Variants in CNTLN observed in about 807,000 individuals in gnomAD.
CNTLN encodes the protein centlein.
A neutral mutation model predicts 180.0 loss-of-function variants in CNTLN; 212 were observed. That is an observed-to-expected ratio of 1.18 (90% CI 1.05 to 1.32). The LOEUF is 1.32. Among genes scored for constraint, CNTLN ranks in the 40% most tolerant of loss-of-function variants. The pLI, the probability that CNTLN is intolerant of heterozygous loss-of-function variation, is 0.00. For missense variants in CNTLN, 2,095 were observed against 1,610.9 expected (o/e 1.30, Z -5.14); for synonymous variants, 722 against 563.1 (o/e 1.28, Z -3.99).
At chr9:17,252,346 AT>A (rs1185503312) in intron 5 of CNTLN, among the ~76,000 whole-genome samples, 2 of 151,548 alleles carry the variant, frequency 1.3e-5, no homozygotes, top group Admixed American at 1.3e-4. Context: ...ACTAATTTAC[AT>A]TTTCACCAAC....
At chr9:17,222,730 C>G (rs1022294529) in intron 2 of CNTLN, among the ~76,000 whole-genome samples, 1 of 152,040 alleles carries the variant, frequency 6.6e-6, no homozygotes, top group Non-Finnish European at 1.5e-5. Context: ...ACAGTCATTT[C>G]TCAGTCTTTA....
At chr9:17,255,880 A>G (rs376772773) in intron 5 of CNTLN, among the ~76,000 whole-genome samples, 79 of 152,014 alleles carry the variant, frequency 5.2e-4, no homozygotes, top group African/African-American at 1.8e-3. Context: ...TTCAGTTTTC[A>G]TAAGTGTGTT....
chr9:17,342,650 A>G (rs918016737), intron 12 of CNTLN, among the ~76,000 whole-genome samples: 1 of 152,212 alleles, frequency 6.6e-6, no homozygotes, highest in Admixed American at 6.5e-5. Flanking sequence ...TCTAACAGAA[A>G]CTGGATAATA....
intron 18 of CNTLN, among the ~76,000 whole-genome samples, chr9:17,421,975 T>A (rs2133927513): frequency 6.6e-6 from 1 of 152,312 alleles, no homozygotes; most frequent in South Asian, 2.1e-4. Flanking sequence ...TACATGCTAT[T>A]ACCAGTGAGT....
chr9:17,356,472 A>T (rs1295008414), intron 12 of CNTLN, among the ~76,000 whole-genome samples: 1 of 152,182 alleles, frequency 6.6e-6, no homozygotes, highest in Non-Finnish European at 1.5e-5. Flanking sequence ...TCAGAGTCTG[A>T]TGCAACATGA....
chr9:17,525,042 C>T, the CNTLN span, among the ~76,000 whole-genome samples: 2 of 152,112 alleles, frequency 1.3e-5, no homozygotes, highest in African/African-American at 2.4e-5. Context: ...TTTGAACATA[C>T]ACAATAACAT....
intron 23 of CNTLN, among the ~76,000 whole-genome samples, chr9:17,482,844 A>G (rs1832718839): frequency 6.6e-6 from 1 of 152,304 alleles, no homozygotes; most frequent in African/African-American, 2.4e-5. Flanking sequence ...TGATGGGACA[A>G]GTGAGTATGA....
chr9:17,335,414 G>A (rs1210075064), intron 10 of CNTLN, among the ~76,000 whole-genome samples: 3 of 152,078 alleles, frequency 2.0e-5, no homozygotes, highest in South Asian at 2.1e-4. Context: ...CTACTCAGGG[G>A]GCTGAGGCAG....
At chr9:17,478,243 T>C (rs1452441678) in intron 23 of CNTLN, among the ~76,000 whole-genome samples, 1 of 152,184 alleles carries the variant, frequency 6.6e-6, no homozygotes, top group Non-Finnish European at 1.5e-5. Context: ...TATTGTGATA[T>C]TTGCTTTATT....
rs538990313 is a variant in CNTLN, at chr9:17,403,816, C to T, written c.2616-5477C>T. 2.9e-4 allele frequency among the ~76,000 whole-genome samples: 44 copies of T among 151,744 alleles called. 1 individual carries two copies. The highest frequency in any genetic ancestry group is 2.3e-3 in the South Asian group (11 of 4,814). On this transcript the variant is annotated intron_variant, in intron 15 of 25. Transcript: ENST00000380647. ...TTTGAGACAGAGTCTCGCTCTGTTG[C>T]CCAGACTGGAGTGCAGTGGTGTGAT...
intron 2 of CNTLN, among the ~76,000 whole-genome samples, chr9:17,219,896 C>G (rs1051359607): frequency 2.6e-4 from 39 of 152,074 alleles, no homozygotes; most frequent in African/African-American, 9.2e-4. Context: ...GAGATCTTCT[C>G]TCTAGTGTCC....
At chr9:17,180,853 G>A (rs1020645633) in intron 2 of CNTLN, among the ~76,000 whole-genome samples, 17 of 151,576 alleles carry the variant, frequency 1.1e-4, no homozygotes, top group Non-Finnish European at 1.9e-4. Flanking sequence ...CTTTTCTTTC[G>A]GTATTTGAAA....
intron 23 of CNTLN, among the ~76,000 whole-genome samples, chr9:17,476,630 T>A (rs1041107886): frequency 2.0e-5 from 3 of 152,326 alleles, no homozygotes; most frequent in Non-Finnish European, 4.4e-5. Flanking sequence ...GATAAAAGAT[T>A]AAACCAGTCA....
rs763630151 is a variant in CNTLN, at chr9:17,466,721, C to T, written c.3685C>T (p.Leu1229Phe). The T allele has an allele frequency of 9.9e-6, 16 of 1,609,056 alleles. No individual in the cohort carries two copies. The highest frequency in any genetic ancestry group is 8.8e-5 in the South Asian group (8 of 90,710). Residue 1229 changes from leucine (L) to phenylalanine (F), a missense_variant, in exon 23 of 26, where the codon CTC (leucine) becomes TTC (phenylalanine). Leu to Phe is a conservative substitution (Grantham distance 22). Coordinates refer to ENST00000380647, the MANE Select transcript of CNTLN (RefSeq NM_017738.4). ...TCTTTTGCAGGATCTCAAGCTTACT[C>T]TCCTAGTATCAAGAATAAGTGAGAC... is the stretch of plus-strand genomic sequence containing the variant. ...ELEKKDLKLT[L>F]LVSRISETES...
At chr9:17,453,955 C>T (rs1354952965) in intron 18 of CNTLN, among the ~76,000 whole-genome samples, 2 of 152,164 alleles carry the variant, frequency 1.3e-5, no homozygotes, top group African/African-American at 4.8e-5. Flanking sequence ...CTCTCAGAAA[C>T]TTGATTAGGG....
intron 2 of CNTLN, among the ~76,000 whole-genome samples, chr9:17,157,178 A>T (rs1009724769): frequency 3.3e-5 from 5 of 152,202 alleles, no homozygotes; most frequent in African/African-American, 9.7e-5. Flanking sequence ...TCTTTTTCTG[A>T]TACCATTTGG....
chr9:17,438,226 C>G (rs1249630297), intron 18 of CNTLN, among the ~76,000 whole-genome samples: 1 of 151,910 alleles, frequency 6.6e-6, no homozygotes, highest in Non-Finnish European at 1.5e-5. Context: ...AGGACTGAGA[C>G]TAAGGCTCGA....
chr9:17,234,793 T>C (rs1211800326), intron 3 of CNTLN, among the ~76,000 whole-genome samples: 1 of 152,216 alleles, frequency 6.6e-6, no homozygotes, highest in Non-Finnish European at 1.5e-5. Flanking sequence ...TACTATGTGT[T>C]TAATAAATAT....
At chr9:17,241,790 G>T (rs919816290) in intron 5 of CNTLN, among the ~76,000 whole-genome samples, 1 of 151,666 alleles carries the variant, frequency 6.6e-6, no homozygotes, top group African/African-American at 2.4e-5. Context: ...TAATTCCTAG[G>T]TATATAATTT....
Sources: allele counts gnomAD v4.1 joint callset (sites outside exome capture counted in the v4.1 genomes callset), GRCh38; gene constraint gnomAD v4.1.1; transcripts MANE v1.5; gene names NCBI Gene and HGNC (gene_info 2026-07-23, HGNC 2026-07-21).